NDRG3: variants seen among roughly 807,000 people sequenced by gnomAD.
NDRG3 encodes the protein protein NDRG3.
A neutral mutation model predicts 57.2 loss-of-function variants in NDRG3; 23 were observed. That is an observed-to-expected ratio of 0.40 (90% CI 0.29 to 0.57). The LOEUF is 0.57. Among genes scored for constraint, NDRG3 ranks in the 20% least tolerant of loss-of-function variants. The pLI is 0.42. For synonymous variants in NDRG3, 132 were observed against 162.6 expected (o/e 0.81, Z 1.43); for missense variants, 384 against 457.3 (o/e 0.84, Z 1.46).
chr20:36,684,593 T>C lies in NDRG3; in HGVS notation c.321-118A>G, dbSNP rs1287698265. ...GGCTGAGCGCAGTAGCTCATGCCTA[T>C]AATCCCAGCACTTTGGGACACCGAG... On this transcript the variant is annotated intron_variant, in intron 5 of 15. Transcript: ENST00000349004. The C allele has an allele frequency of 1.1e-5, 9 of 850,160 alleles. No homozygotes were observed. In the African/African-American group the frequency reaches 1.5e-4, roughly 14 times the overall value. The allele number at this position is 850,160 out of a possible 1,614,324, so 52.7% of individuals were successfully genotyped here.
chr20:36,707,418 G>A (rs1055437942), intron 2 of NDRG3, among the ~76,000 whole-genome samples: 6 of 152,118 alleles, frequency 3.9e-5, no homozygotes, highest in African/African-American at 1.2e-4. Flanking sequence ...AGGTGAAGGA[G>A]AACAGGTGCA....
chr20:36,733,158 AAAAAAAAAAAAAAAT>A (rs1479833903), intron 1 of NDRG3, among the ~76,000 whole-genome samples: 59 of 46,354 alleles, frequency 1.3e-3, no homozygotes, highest in African/African-American at 7.0e-3. Flanking sequence ...AAAAAAAAAA[AAAAAAAAAAAAAAAT>A]ATATATATAT....
At chr20:36,703,426 CT>C (rs1983366341) in intron 3 of NDRG3, among the ~76,000 whole-genome samples, 1 of 28,716 alleles carries the variant, frequency 3.5e-5, no homozygotes, top group African/African-American at 8.9e-5. Flanking sequence ...AATATCCTAT[CT>C]ATCTATCTAT....
intron 1 of NDRG3, among the ~76,000 whole-genome samples, chr20:36,743,345 A>G (rs1402110950): frequency 1.3e-5 from 2 of 151,938 alleles, no homozygotes; most frequent in African/African-American, 4.8e-5. Context: ...AATACAAAAA[A>G]TAGCTGGGCA....
chr20:36,737,811 G>A (rs954296156), intron 1 of NDRG3, among the ~76,000 whole-genome samples: 2 of 152,128 alleles, frequency 1.3e-5, no homozygotes, highest in African/African-American at 2.4e-5. Context: ...TGGGCGCAGT[G>A]GCTGATACCT....
intron 1 of NDRG3, among the ~76,000 whole-genome samples, chr20:36,731,790 AC>A (rs1438714246): frequency 1.3e-5 from 2 of 151,776 alleles, no homozygotes; most frequent in Non-Finnish European, 2.9e-5. Flanking sequence ...AGCCTGGGCG[AC>A]AGAGCAAGAC....
chr20:36,664,145 G>A (rs1010585424), intron 12 of NDRG3, among the ~76,000 whole-genome samples: 2 of 152,062 alleles, frequency 1.3e-5, no homozygotes, highest in Non-Finnish European at 2.9e-5. Flanking sequence ...ATTAATATGA[G>A]AACAAAGTTA....
intron 1 of NDRG3, among the ~76,000 whole-genome samples, chr20:36,742,297 T>A (rs1240571798): frequency 6.6e-6 from 1 of 152,158 alleles, no homozygotes; most frequent in Admixed American, 6.6e-5. Flanking sequence ...ATAAATAGAA[T>A]CATAATAGAG....
In NDRG3 at chr20:36,656,478, T is replaced by C; in HGVS notation, c.894+19A>G. ...AGAGAAGCAGAATTAAATGGGTGTT[T>C]AAAAAAAATTCTCCTTACCTGAACT... On this transcript the variant is annotated intron_variant, in intron 14 of 15. Coordinates refer to ENST00000349004, the MANE Select transcript of NDRG3 (RefSeq NM_032013.4). 10 of 1,613,820 alleles carry C rather than the reference T, an allele frequency of 6.2e-6. No homozygotes were observed. The highest frequency in any genetic ancestry group is 1.1e-5 in the South Asian group (1 of 91,058).
Position 36,686,568 on chromosome 20 carries a change from T to C in NDRG3, c.320+924A>G, listed in dbSNP as rs115646769. ...GGGGAAGAATTAGCATTCCACAGAG[T>C]GTGTGCTCACTCCTCCTAAGGTCTT... On this transcript the variant is annotated intron_variant, in intron 5 of 15. Coordinates refer to ENST00000349004, the MANE Select transcript of NDRG3 (RefSeq NM_032013.4). 4.4e-3 allele frequency among the ~76,000 whole-genome samples: 665 copies of C among 152,070 alleles called. 7 individuals are homozygous for C. Among genetic ancestry groups the C allele is most frequent in the African/African-American group, 0.015 (631 of 41,478 alleles).
intron 3 of NDRG3, among the ~76,000 whole-genome samples, chr20:36,697,963 CTTTTT>C (rs1026025529): frequency 8.1e-6 from 1 of 123,014 alleles, no homozygotes; most frequent in Non-Finnish European, 1.7e-5. Context: ...TTTCTTTTTT[CTTTTT>C]TTTTTTTTTT....
chr20:36,676,435 TAA>T (rs911680266), intron 8 of NDRG3, among the ~76,000 whole-genome samples: 1 of 152,164 alleles, frequency 6.6e-6, no homozygotes, highest in Non-Finnish European at 1.5e-5. Context: ...TTTTCTAACC[TAA>T]AAAGTGTTTT....
chr20:36,689,993 T>G (rs546027204), intron 3 of NDRG3, among the ~76,000 whole-genome samples: 1 of 152,198 alleles, frequency 6.6e-6, no homozygotes, highest in East Asian at 1.9e-4. Context: ...GTGCTGAGAT[T>G]ACAGACGTGA....
intron 5 of NDRG3, among the ~76,000 whole-genome samples, chr20:36,685,095 C>G (rs1276044569): frequency 1.3e-5 from 2 of 152,028 alleles, no homozygotes; most frequent in South Asian, 2.1e-4. Context: ...CTAACAATCT[C>G]TTCAGTTGGA....
chr20:36,670,848 C>A (rs1297370809), intron 9 of NDRG3, among the ~76,000 whole-genome samples: 2 of 152,208 alleles, frequency 1.3e-5, no homozygotes, highest in Non-Finnish European at 2.9e-5. Flanking sequence ...GGTTCCCCCT[C>A]ACCTACCAAT....
intron 1 of NDRG3, among the ~76,000 whole-genome samples, chr20:36,725,133 TA>T (rs1220599011): frequency 6.7e-6 from 1 of 150,318 alleles, no homozygotes; most frequent in Non-Finnish European, 1.5e-5. Context: ...CCATCTCTAC[TA>T]AAAATAAAAA....
At chr20:36,674,856 C>CT (rs1177955225) in intron 8 of NDRG3, among the ~76,000 whole-genome samples, 2 of 137,972 alleles carry the variant, frequency 1.4e-5, no homozygotes, top group Non-Finnish European at 3.1e-5. Context: ...AGTGCTAGGA[C>CT]TACAGGCATG....
rs778353312 is a variant in NDRG3, at chr20:36,728,058, A to AT, written c.-48-6276dup. Among the ~76,000 whole-genome samples, 512 of 143,202 alleles carry AT rather than the reference A, an allele frequency of 3.6e-3. 5 individuals carry two copies. Among genetic ancestry groups the AT allele is most frequent in the African/African-American group, 0.01 (411 of 39,436 alleles). The allele number at this position is 143,202 out of a possible 152,430, so 93.9% of individuals were successfully genotyped here. A position where few individuals can be genotyped will look rare whatever the true frequency, so the allele number is the denominator to read the frequency against. ...TAAATAAGTGAATAATAGGGAAAGG[A>AT]TTTTTTTTTTTTTGAGATGGAGTCT... is the stretch of plus-strand genomic sequence containing the variant. On this transcript the variant is annotated intron_variant, in intron 1 of 15. Coordinates refer to ENST00000349004, the MANE Select transcript of NDRG3 (RefSeq NM_032013.4).
intron 2 of NDRG3, among the ~76,000 whole-genome samples, chr20:36,712,588 T>TATATATATATATATATA (rs1555804489): frequency 4.6e-4 from 5 of 10,934 alleles, no homozygotes; most frequent in Admixed American, 1.3e-3. Flanking sequence ...TATATATATA[T>TATATATATATATATATA]TTTTTTTTTT....
Sources: allele counts gnomAD v4.1 joint callset (sites outside exome capture counted in the v4.1 genomes callset), GRCh38; gene constraint gnomAD v4.1.1; transcripts MANE v1.5; gene names NCBI Gene and HGNC (gene_info 2026-07-23, HGNC 2026-07-21).